Variants in OXR1 observed in about 807,000 individuals in gnomAD.
The protein encoded by OXR1 is oxidation resistance protein 1.
OXR1 carries 41 observed loss-of-function variants against 104.6 expected under a neutral mutation model. That is an observed-to-expected ratio of 0.39 (90% CI 0.31 to 0.51). The LOEUF (loss-of-function observed/expected upper bound fraction) is 0.51, where lower values mean the gene tolerates loss of function less well. Among genes scored for constraint, OXR1 ranks in the 20% least tolerant of loss-of-function variants. OXR1 has a pLI of 0.77. For synonymous variants in OXR1, 348 were observed against 348.4 expected, an observed-to-expected ratio of 1.00 and a Z score of 0.01; for missense variants, 955 against 1,031.9, an observed-to-expected ratio of 0.93 and a Z score of 1.02.
intron 11 of OXR1, among the ~76,000 whole-genome samples, chr8:106,730,071 T>A (rs1833737117): frequency 6.6e-6 from 1 of 152,132 alleles, no homozygotes. Context: ...CTTTTTTTAA[T>A]TATAATAGAT....
intron 11 of OXR1, among the ~76,000 whole-genome samples, chr8:106,733,179 A>G (rs1834053407): frequency 6.6e-6 from 1 of 152,098 alleles, no homozygotes. Flanking sequence ...GGCATGCATT[A>G]TCTGTTTCTT....
intron 3 of OXR1, among the ~76,000 whole-genome samples, chr8:106,556,803 G>C (rs1450990448): frequency 6.6e-6 from 1 of 152,108 alleles, no homozygotes; most frequent in African/African-American, 2.4e-5. Context: ...GATTCTGCTG[G>C]TGTTGCTTCA....
chr8:106,730,261 T>C (rs748568425), intron 11 of OXR1, among the ~76,000 whole-genome samples: 18 of 152,156 alleles, frequency 1.2e-4, no homozygotes, highest in Admixed American at 3.3e-4. Flanking sequence ...GTCTATAGTT[T>C]ACATTAAGGT....
At chr8:106,708,121 G>A (rs1831325925) in intron 9 of OXR1, among the ~76,000 whole-genome samples, 1 of 152,056 alleles carries the variant, frequency 6.6e-6, no homozygotes, top group African/African-American at 2.4e-5. Context: ...GCCAGGCATG[G>A]TGGCTCACTC....
At chr8:106,613,635 G>A (rs1820974247) in intron 3 of OXR1, among the ~76,000 whole-genome samples, 1 of 152,206 alleles carries the variant, frequency 6.6e-6, no homozygotes, top group South Asian at 2.1e-4. Flanking sequence ...CTGACCTCAG[G>A]TGATCTGCCC....
chr8:106,526,644 G>A (rs1016632882), intron 3 of OXR1, among the ~76,000 whole-genome samples: 1 of 152,118 alleles, frequency 6.6e-6, no homozygotes, highest in African/African-American at 2.4e-5. Flanking sequence ...CCGGGTTCAC[G>A]CCATTCTCCT....
At chr8:106,406,468 A>G (rs1818240060) in intron 2 of OXR1, among the ~76,000 whole-genome samples, 1 of 152,148 alleles carries the variant, frequency 6.6e-6, no homozygotes, top group South Asian at 2.1e-4. Flanking sequence ...CAGTAGATGA[A>G]GCAATGAAAA....
At chr8:106,510,161 T>TC (rs1287635198) in intron 2 of OXR1, among the ~76,000 whole-genome samples, 2 of 152,190 alleles carry the variant, frequency 1.3e-5, no homozygotes, top group Non-Finnish European at 2.9e-5. Context: ...AAATATCAAG[T>TC]CTTTTTTTTA....
At chr8:106,332,491 A>G (rs551976304) in intron 1 of OXR1, among the ~76,000 whole-genome samples, 396 of 152,352 alleles carry the variant, frequency 2.6e-3, no homozygotes, top group Non-Finnish European at 4.9e-3. Context: ...ACTAAGAAAG[A>G]TAAAGCTAGG....
At chr8:106,491,195 A>G (rs1231594800) in intron 2 of OXR1, among the ~76,000 whole-genome samples, 1 of 152,148 alleles carries the variant, frequency 6.6e-6, no homozygotes, top group Admixed American at 6.5e-5. Context: ...ATCTCTGCCA[A>G]TCTTACTTAG....
chr8:106,516,420 G>C (rs1812864116), intron 2 of OXR1, among the ~76,000 whole-genome samples: 1 of 152,138 alleles, frequency 6.6e-6, no homozygotes, highest in Non-Finnish European at 1.5e-5. Context: ...TGTTTTGCCT[G>C]TGTTGTTCAC....
intron 16 of OXR1, among the ~76,000 whole-genome samples, chr8:106,750,554 TC>T (rs1835814915): frequency 6.6e-6 from 1 of 152,078 alleles, no homozygotes; most frequent in African/African-American, 2.4e-5. Flanking sequence ...GGTCTTGAAC[TC>T]CCGACCTCAG....
chr8:106,524,019 A>C (rs992279764), intron 3 of OXR1, among the ~76,000 whole-genome samples: 1 of 152,064 alleles, frequency 6.6e-6, no homozygotes, highest in African/African-American at 2.4e-5. Context: ...CTCGTGATCC[A>C]TCTGCCTCGA....
chr8:106,743,972 T>C (rs146151213), intron 15 of OXR1, among the ~76,000 whole-genome samples: 1 of 152,162 alleles, frequency 6.6e-6, no homozygotes, highest in South Asian at 2.1e-4. Context: ...TTCTCACTTA[T>C]AAGAAAGAGC....
At chr8:106,310,640 C>T (rs941924849) in intron 1 of OXR1, among the ~76,000 whole-genome samples, 4 of 152,198 alleles carry the variant, frequency 2.6e-5, no homozygotes, top group African/African-American at 9.6e-5. Context: ...TCTGAAAATG[C>T]CTTTATTCTA....
intron 11 of OXR1, among the ~76,000 whole-genome samples, chr8:106,719,102 A>C (rs1265484157): frequency 6.6e-6 from 1 of 152,200 alleles, no homozygotes; most frequent in African/African-American, 2.4e-5. Flanking sequence ...CCGGTATTCA[A>C]CACAGGAAGT....
chr8:106,331,914 G>C (rs1814727853), intron 1 of OXR1, among the ~76,000 whole-genome samples: 1 of 148,790 alleles, frequency 6.7e-6, no homozygotes, highest in Non-Finnish European at 1.5e-5. Flanking sequence ...CTCCAGCCTG[G>C]GTGACAGCGA....
intron 2 of OXR1, among the ~76,000 whole-genome samples, chr8:106,368,245 A>G (rs1025932715): frequency 2.6e-5 from 4 of 152,128 alleles, no homozygotes; most frequent in Admixed American, 6.5e-5. Context: ...TATGACAGAA[A>G]AATAAGATAT....
chr8:106,389,358 T>C (rs945186335), intron 2 of OXR1, among the ~76,000 whole-genome samples: 5 of 152,226 alleles, frequency 3.3e-5, no homozygotes, highest in African/African-American at 4.8e-5. Flanking sequence ...GCCCATGTGC[T>C]GTCAGTGCTG....
Sources: gnomAD v4.1 joint callset for allele counts (sites outside exome capture counted in the v4.1 genomes callset) on GRCh38, gnomAD v4.1.1 for gene constraint, MANE v1.5 for transcripts, NCBI Gene and HGNC (gene_info 2026-07-23, HGNC 2026-07-21) for gene names.